TENM4: variants seen among roughly 807,000 people sequenced by gnomAD.
TENM4 encodes the protein teneurin transmembrane protein 4, also known as teneurin-4.
A neutral mutation model predicts 243.3 loss-of-function variants in TENM4; 82 were observed. The ratio of observed to expected loss-of-function variants is 0.34; its 90% CI spans 0.28 to 0.40. The LOEUF is 0.40. TENM4 is among the 10% of genes least tolerant of loss of function. TENM4 has a pLI of 1.00. For synonymous variants in TENM4, 1,412 were observed against 1,456.3 expected (o/e 0.97, Z 0.69); for missense variants, 3,138 against 3,673.3 (o/e 0.85, Z 3.77).
chr11:78,669,863 G>A lies in TENM4; in HGVS notation c.6482C>T (p.Ser2161Leu), dbSNP rs371876037. 15 of 1,613,578 alleles carry A rather than the reference G, an allele frequency of 9.3e-6. No homozygotes were observed. The highest frequency in any genetic ancestry group is 2.7e-5 in the African/African-American group (2 of 74,914). ...CTGGACGGTCATCCAGTACATGAGC[G>A]AGCGGAAGATCTCATACTGCACTTC... ...MKEVQYEIFR[S>L]LMYWMTVQYD... is the part of the protein sequence containing the mutation. The change falls in exon 32 of 34, where the codon TCG (serine) becomes TTG (leucine). Residue 2161 changes from serine to leucine, a missense_variant. Ser to Leu is a moderately radical substitution (Grantham distance 145, BLOSUM62 -2). Coordinates refer to ENST00000278550, the MANE Select transcript of TENM4 (RefSeq NM_001098816.3). The surrounding 1 kb of genome is among the most constrained non-coding windows in gnomAD (Gnocchi z 6.4).
At chr11:79,295,860 T>G (rs1265920782) in intron 2 of TENM4, among the ~76,000 whole-genome samples, 445 of 9,048 alleles carry the variant, frequency 0.049, 2 homozygotes, top group African/African-American at 0.21. Flanking sequence ...CCGTAAGTGT[T>G]TTTTTTTTTT....
At chr11:78,941,855 C>T (rs780791866) in intron 6 of TENM4, among the ~76,000 whole-genome samples, 25 of 152,132 alleles carry the variant, frequency 1.6e-4, no homozygotes, top group Non-Finnish European at 2.4e-4. Context: ...TAAGATTCAA[C>T]ATTTTCTGAG....
Position 78,805,576 on chromosome 11 carries a change from G to T in TENM4, c.1979-84C>A. Reference sequence around the variant, plus strand: ...TTTAAGCAAACTACTTAGCTTTGTGGCCAAGGGGCTTCATACATTCTGGCA... The same window carrying T: ...TTTAAGCAAACTACTTAGCTTTGTGTCCAAGGGGCTTCATACATTCTGGCA... On this transcript the variant is annotated intron_variant, in intron 14 of 33. Transcript: ENST00000278550. 4 of 1,473,596 alleles carry T rather than the reference G, an allele frequency of 2.7e-6. No homozygotes were observed. In the Admixed American group the frequency reaches 5.9e-5, roughly 22 times the overall value. The allele number at this position is 1,473,596 out of a possible 1,614,324, so 91.3% of individuals were successfully genotyped here. A position where few individuals can be genotyped will look rare whatever the true frequency, so the allele number is the denominator to read the frequency against.
chr11:78,801,763 G>T (rs1287370039), intron 15 of TENM4, among the ~76,000 whole-genome samples: 1 of 152,172 alleles, frequency 6.6e-6, no homozygotes, highest in Non-Finnish European at 1.5e-5. Context: ...TGCTGATGGT[G>T]CAAGGATCAC....
intron 6 of TENM4, among the ~76,000 whole-genome samples, chr11:79,049,115 C>A (rs1859734340): frequency 6.6e-6 from 1 of 152,144 alleles, no homozygotes; most frequent in African/African-American, 2.4e-5. Flanking sequence ...TGCAGCCAGG[C>A]AGCACTAGCA....
intron 6 of TENM4, among the ~76,000 whole-genome samples, chr11:78,926,561 T>C (rs1856555050): frequency 6.6e-6 from 1 of 152,104 alleles, no homozygotes; most frequent in African/African-American, 2.4e-5. Flanking sequence ...CATGAACCAC[T>C]ATGCCTGGCC....
chr11:78,781,029 G>A (rs753627279), intron 16 of TENM4, among the ~76,000 whole-genome samples: 6 of 152,190 alleles, frequency 3.9e-5, no homozygotes, highest in Admixed American at 2.0e-4. Context: ...TGAGTTTTCC[G>A]GGAATGGAAT....
intron 6 of TENM4, among the ~76,000 whole-genome samples, chr11:79,000,048 G>A (rs1283059853): frequency 6.6e-6 from 1 of 152,174 alleles, no homozygotes; most frequent in African/African-American, 2.4e-5. Flanking sequence ...TTACAGGAAA[G>A]CATCAATACA....
intron 6 of TENM4, among the ~76,000 whole-genome samples, chr11:79,045,730 T>C (rs1859640949): frequency 6.6e-6 from 1 of 152,094 alleles, no homozygotes; most frequent in Admixed American, 6.5e-5. Context: ...CGCCTTTTTT[T>C]TTTTTTTAAA....
chr11:78,920,233 C>A (rs1304918208), intron 6 of TENM4, among the ~76,000 whole-genome samples: 1 of 152,170 alleles, frequency 6.6e-6, no homozygotes, highest in East Asian at 1.9e-4. Flanking sequence ...TTTCCTGGAG[C>A]ACCTCTCATA....
chr11:79,369,893 G>GTC (rs997648908), intron 1 of TENM4, among the ~76,000 whole-genome samples: 1 of 152,122 alleles, frequency 6.6e-6, no homozygotes, highest in African/African-American at 2.4e-5. Flanking sequence ...GGCTCTTAGA[G>GTC]CTAGGTTCAA....
At chr11:78,675,502 A>G (rs1858444943) in intron 30 of TENM4, among the ~76,000 whole-genome samples, 1 of 152,164 alleles carries the variant, frequency 6.6e-6, no homozygotes, top group Non-Finnish European at 1.5e-5. Context: ...GAAGCTGGGC[A>G]CTCAGGCCCT....
At chr11:79,067,291 C>G (rs1006350575) in intron 5 of TENM4, among the ~76,000 whole-genome samples, 12 of 152,130 alleles carry the variant, frequency 7.9e-5, no homozygotes, top group African/African-American at 2.4e-4. Context: ...AAGAAAATGC[C>G]AAATTAGAGC....
At chr11:78,794,333 C>T (rs1423596540) in intron 15 of TENM4, among the ~76,000 whole-genome samples, 2 of 152,152 alleles carry the variant, frequency 1.3e-5, no homozygotes, top group African/African-American at 2.4e-5. Flanking sequence ...AGGGATCAGA[C>T]AGAGTCATGT....
Position 79,112,213 on chromosome 11 carries a change from T to C in TENM4, c.-66+36497A>G, listed in dbSNP as rs555142380. On this transcript the variant is annotated intron_variant, in intron 4 of 33. Transcript: ENST00000278550. Reference sequence around the variant, plus strand: ...GCATATACCCGTGTCTGTAAATTTATATATGCTTGTGCATAAGTAATATGC... The same window carrying C: ...GCATATACCCGTGTCTGTAAATTTACATATGCTTGTGCATAAGTAATATGC... Among the ~76,000 whole-genome samples, 222 of 152,366 alleles carry C rather than the reference T, an allele frequency of 1.5e-3. 1 individual carries two copies. The highest frequency in any genetic ancestry group is 5.0e-3 in the African/African-American group (209 of 41,588).
chr11:79,192,098 G>C (rs995774234), intron 3 of TENM4, among the ~76,000 whole-genome samples: 8 of 149,938 alleles, frequency 5.3e-5, no homozygotes, highest in African/African-American at 1.7e-4. Flanking sequence ...AGGTGGGGGG[G>C]GGTCAGCCCC....
At chr11:78,993,963 TG>T (rs1858107498) in intron 6 of TENM4, among the ~76,000 whole-genome samples, 2 of 152,348 alleles carry the variant, frequency 1.3e-5, no homozygotes, top group African/African-American at 2.4e-5. Flanking sequence ...GTCTGGATTT[TG>T]TTGTCTTCCC....
chr11:79,434,795 G>A (rs1175567644), intron 1 of TENM4, among the ~76,000 whole-genome samples: 1 of 152,118 alleles, frequency 6.6e-6, no homozygotes, highest in East Asian at 1.9e-4. Context: ...TGTGACAGAA[G>A]CTTTAGTATG....
At chr11:79,013,419 CTGT>C (rs745851840) in intron 6 of TENM4, among the ~76,000 whole-genome samples, 4 of 152,320 alleles carry the variant, frequency 2.6e-5, no homozygotes, top group East Asian at 1.9e-4. Flanking sequence ...CAGACTTGTC[CTGT>C]TGTTATATTT....
Sources: gnomAD v4.1 joint callset for allele counts (sites outside exome capture counted in the v4.1 genomes callset) on GRCh38, gnomAD v4.1.1 for gene constraint, Gnocchi (gnomAD v3.1) non-coding constraint, MANE v1.5 for transcripts, NCBI Gene and HGNC (gene_info 2026-07-23, HGNC 2026-07-21) for gene names.